The following NMRK1 variants were observed in gnomAD, a reference collection of about 807,000 sequenced individuals.
The protein encoded by NMRK1 is nicotinamide riboside kinase 1.
Under a neutral mutation model 29.9 loss-of-function variants are expected in NMRK1, and 28 were observed. The ratio of observed to expected loss-of-function variants is 0.94; its 90% CI spans 0.69 to 1.28. The LOEUF is 1.28. Among genes scored for constraint, NMRK1 ranks in the 50% most tolerant of loss-of-function variants. The pLI, the probability that NMRK1 is intolerant of heterozygous loss-of-function variation, is 0.00. For missense variants in NMRK1, 218 were observed against 233.1 expected, an observed-to-expected ratio of 0.94 and a Z score of 0.42; for synonymous variants, 58 against 73.0, an observed-to-expected ratio of 0.79 and a Z score of 1.05.
Position 75,068,183 on chromosome 9 carries a change from G to A in NMRK1, c.496+813C>T, listed in dbSNP as rs540955078. Among the ~76,000 whole-genome samples, 12 of 152,188 alleles carry A rather than the reference G, an allele frequency of 7.9e-5. No individual in the cohort carries two copies. The East Asian group carries it at 1.2e-3, about 15-fold the overall frequency. ...TCTATCACCCAGTTCTACTGAGTGC[G>A]GGCGTCCAACATCACACCCTATAAA... On this transcript the variant is annotated intron_variant, in intron 7 of 8. Coordinates refer to ENST00000361092, the MANE Select transcript of NMRK1 (RefSeq NM_017881.3).
intron 2 of NMRK1, among the ~76,000 whole-genome samples, chr9:75,082,241 A>C (rs1048019607): frequency 1.3e-5 from 2 of 152,214 alleles, no homozygotes; most frequent in African/African-American, 4.8e-5. Context: ...AGTGAGGGTG[A>C]GAAGGAAGAG....
chr9:75,068,114 A>C (rs1210737634), intron 7 of NMRK1, among the ~76,000 whole-genome samples: 1 of 152,112 alleles, frequency 6.6e-6, no homozygotes, highest in Non-Finnish European at 1.5e-5. Flanking sequence ...AACATCTGTC[A>C]GTTGCTGAGG....
intron 2 of NMRK1, chr9:75,078,270 T>C: frequency 6.5e-7 from 1 of 1,548,624 alleles, no homozygotes; most frequent in Admixed American, 2.0e-5. Context: ...CACTGTGATT[T>C]TGCCTCAAGG....
intron 6 of NMRK1, chr9:75,069,496 T>C (rs187691796): frequency 7.9e-6 from 4 of 507,082 alleles, no homozygotes; most frequent in Non-Finnish European, 1.4e-5. Flanking sequence ...GGGCTTGCTT[T>C]GTTTGAGGAT....
chr9:75,066,263 C>T (rs7852863), intron 8 of NMRK1: 402,296 of 517,540 alleles, frequency 0.78, 157,149 homozygotes, highest in Admixed American at 0.86. Context: ...TAGGCAGATC[C>T]CTGTCACTTG....
intron 7 of NMRK1, 97 bp from the exon 8 acceptor site, chr9:75,066,937 T>C: frequency 1.4e-6 from 1 of 706,662 alleles, no homozygotes; most frequent in East Asian, 2.5e-5. Flanking sequence ...TGCCAATAGG[T>C]TTAACCAAGG....
chr9:75,071,227 G>A (rs1038480092), intron 4 of NMRK1, among the ~76,000 whole-genome samples: 1 of 151,868 alleles, frequency 6.6e-6, no homozygotes, highest in African/African-American at 2.4e-5. Context: ...GTATTGTTCT[G>A]TCTTTAAGTT....
At position 75,069,094 on chromosome 9, in the gene NMRK1, A is replaced by G. The variant is rs1042827798; in HGVS notation, c.398T>C (p.Val133Ala). 6.2e-7 allele frequency: 1 copy of G among 1,609,476 alleles called. No individual in the cohort carries two copies. The highest frequency in any genetic ancestry group is 1.3e-5 in the African/African-American group (1 of 74,760). Reference sequence around the variant, plus strand: ...TCCCGGAGAGTCTGGAGGCTGATAGACCCTTGTACTATCAAAACACGTAGG... The same window carrying G: ...TCCCGGAGAGTCTGGAGGCTGATAGGCCCTTGTACTATCAAAACACGTAGG... The part of the protein sequence containing the change: ...EECKRRRSTR[V>A]YQPPDSPGYF... The change falls in exon 7 of 9, where the codon GTC becomes GCC. Residue 133 changes from valine (V) to alanine (A), a missense_variant. Coordinates refer to ENST00000361092, the MANE Select transcript of NMRK1 (RefSeq NM_017881.3).
At position 75,061,363 on chromosome 9, in the gene NMRK1, G is replaced by C; in HGVS notation, c.*185C>G. The stretch of plus-strand genomic sequence containing the variant: ...AGAGGGAGCAACTTGCTAAGGTACA[G>C]TCCTGTCCATTGGCATGGATATTTA... On this transcript the variant is annotated 3_prime_UTR_variant, in exon 9 of 9. Transcript: ENST00000361092. The C allele has an allele frequency of 1.7e-6, 1 of 604,184 alleles. No individual in the cohort carries two copies. The highest frequency in any genetic ancestry group is 2.9e-6 in the Non-Finnish European group (1 of 341,696). The allele number at this position is 604,184 out of a possible 1,614,324, so 37.4% of individuals were successfully genotyped here.
intron 2 of NMRK1, chr9:75,078,688 G>A (rs553637249): frequency 7.2e-6 from 3 of 417,332 alleles, no homozygotes; most frequent in African/African-American, 4.1e-5. Flanking sequence ...AATTATAAAT[G>A]TAAGTGATAT....
intron 6 of NMRK1, 38 bp from the exon 7 acceptor site, chr9:75,069,140 C>T: frequency 7.3e-7 from 1 of 1,369,106 alleles, no homozygotes; most frequent in Non-Finnish European, 1.0e-6. Context: ...TTGACAGAAA[C>T]ACACAATTGA....
chr9:75,062,222 TAAC>T (rs1564121051), intron 8 of NMRK1, among the ~76,000 whole-genome samples: 1 of 152,212 alleles, frequency 6.6e-6, no homozygotes, highest in African/African-American at 2.4e-5. Flanking sequence ...GAAACACTTG[TAAC>T]AACAGTAAAT....
At position 75,087,152 on chromosome 9, in the gene NMRK1, G is replaced by A. The variant is rs1196074268; in HGVS notation, c.-36+856C>T. Among the ~76,000 whole-genome samples, 8 of 152,018 alleles carry A rather than the reference G, an allele frequency of 5.3e-5. No individual in the cohort carries two copies. The East Asian group carries it at 9.7e-4, about 18-fold the overall frequency. Reference sequence around the variant, plus strand: ...GATCTCTTGACCTCGTGATCCACCCGCCTTGCCCTCCCAAAGTGCTGGGAT... The same window carrying A: ...GATCTCTTGACCTCGTGATCCACCCACCTTGCCCTCCCAAAGTGCTGGGAT... On this transcript the variant is annotated intron_variant, in intron 1 of 8. Transcript: ENST00000361092.
In NMRK1 at chr9:75,069,998, A is replaced by C; in HGVS notation, c.214T>G (p.Cys72Gly). ...NMEKMMSAISCWMESARHSVV... is the reference protein window; with the variant it reads ...NMEKMMSAISGWMESARHSVV... ...GAGTGTCTTGCGCTTTCCATCCAGC[A>C]GGAAATGGCTGACATCATTTTTTCC... is the stretch of plus-strand genomic sequence containing the variant. Residue 72 changes from cysteine (C) to glycine (G), a missense_variant, in exon 5 of 9, where the codon TGC becomes GGC. Coordinates refer to ENST00000361092, the MANE Select transcript of NMRK1 (RefSeq NM_017881.3). 3 of 1,613,742 alleles carry C rather than the reference A, an allele frequency of 1.9e-6. No homozygotes were observed. Among genetic ancestry groups the C allele is most frequent in the Non-Finnish European group, 2.5e-6 (3 of 1,179,866 alleles).
chr9:75,064,623 A>G (rs1045745477), intron 8 of NMRK1, among the ~76,000 whole-genome samples: 2 of 152,240 alleles, frequency 1.3e-5, no homozygotes, highest in Non-Finnish European at 2.9e-5. Flanking sequence ...TCATGCCTAT[A>G]TGATGGGCTG....
At chr9:75,079,326 C>T (rs1438055935) in intron 2 of NMRK1, among the ~76,000 whole-genome samples, 1 of 152,164 alleles carries the variant, frequency 6.6e-6, no homozygotes. Context: ...CCTTCTTTAA[C>T]AAAAATGTCT....
intron 1 of NMRK1, among the ~76,000 whole-genome samples, chr9:75,084,236 T>C (rs1270915443): frequency 1.3e-5 from 2 of 151,664 alleles, no homozygotes; most frequent in Non-Finnish European, 2.9e-5. Context: ...CTCAGGGGGG[T>C]TGCCAGGGAC....
intron 8 of NMRK1, chr9:75,066,391 A>G (rs1017597095): frequency 2.6e-5 from 11 of 423,006 alleles, no homozygotes; most frequent in African/African-American, 2.3e-4. Flanking sequence ...TCTTTAAGGG[A>G]ATAAAAGAAA....
At chr9:75,078,345 T>C (rs749152058) in intron 2 of NMRK1, 1 of 1,572,982 alleles carries the variant, frequency 6.4e-7, no homozygotes, top group Non-Finnish European at 8.6e-7. Context: ...ACATTTCCTC[T>C]GCGATGCCTC....
Sources: allele counts gnomAD v4.1 joint callset (sites outside exome capture counted in the v4.1 genomes callset), GRCh38; gene constraint gnomAD v4.1.1; transcripts MANE v1.5; gene names NCBI Gene and HGNC (gene_info 2026-07-23, HGNC 2026-07-21).